ALDH1L1: variants seen among roughly 807,000 people sequenced by gnomAD.
ALDH1L1 encodes aldehyde dehydrogenase 1 family member L1.
Under a neutral mutation model 101.1 loss-of-function variants are expected in ALDH1L1, and 68 were observed. That is an observed-to-expected ratio of 0.67 (90% confidence interval 0.55 to 0.82). ALDH1L1 has a LOEUF of 0.82. Among genes scored for constraint, ALDH1L1 ranks in the 40% least tolerant of loss-of-function variants. The pLI is 0.00. For missense variants in ALDH1L1, 1,087 were observed against 1,172.7 expected, an observed-to-expected ratio of 0.93 and a Z score of 1.07; for synonymous variants, 486 against 470.8, an observed-to-expected ratio of 1.03 and a Z score of -0.42.
upstream of ALDH1L1, among the ~76,000 whole-genome samples, chr3:126,185,463 A>G (rs1394888098): frequency 3.9e-5 from 6 of 152,250 alleles, no homozygotes; most frequent in Admixed American, 3.9e-4. Flanking sequence ...GACATGAAGA[A>G]AGCGGGTCTG....
chr3:126,137,074 C>T (rs980400670), intron 10 of ALDH1L1, among the ~76,000 whole-genome samples, 191 bp from the exon 11 acceptor site: 2 of 152,166 alleles, frequency 1.3e-5, no homozygotes, highest in Non-Finnish European at 2.9e-5. Context: ...GGGAGCTCTG[C>T]GCTTCCACCT....
chr3:126,107,017 G>A (rs944007485), intron 21 of ALDH1L1, 124 bp downstream of exon 21: 19 of 859,218 alleles, frequency 2.2e-5, no homozygotes, highest in East Asian at 7.5e-5. Flanking sequence ...GGGTGTCCAC[G>A]GCTTGCGCCC....
At chr3:126,119,834 T>A (rs950632002) in intron 16 of ALDH1L1, among the ~76,000 whole-genome samples, 3 of 152,024 alleles carry the variant, frequency 2.0e-5, no homozygotes, top group South Asian at 2.1e-4. Flanking sequence ...AATAGACACA[T>A]CACCAAAGAA....
At chr3:126,156,964 A>G (rs1299891196) in intron 4 of ALDH1L1, among the ~76,000 whole-genome samples, 6 of 152,234 alleles carry the variant, frequency 3.9e-5, no homozygotes, top group Non-Finnish European at 4.4e-5. Context: ...AATCACACAG[A>G]GAAAAGGAGA....
At chr3:126,176,219 G>A (rs2108335202) in intron 1 of ALDH1L1, among the ~76,000 whole-genome samples, 1 of 152,258 alleles carries the variant, frequency 6.6e-6, no homozygotes, top group South Asian at 2.1e-4. Flanking sequence ...ACATGTTCAT[G>A]GGTAGGGAAA....
intron 18 of ALDH1L1, among the ~76,000 whole-genome samples, chr3:126,113,594 C>T (rs141865617): frequency 1.3e-5 from 2 of 152,210 alleles, no homozygotes; most frequent in African/African-American, 2.4e-5. Context: ...GCTAGATCCC[C>T]GTGCTGATGG....
At chr3:126,180,813 A>G, upstream of ALDH1L1, 1 of 1,530,456 alleles carries the variant, frequency 6.5e-7, no homozygotes, top group Non-Finnish European at 8.8e-7. Context: ...GGACCCTTGG[A>G]GAATTCCCAG....
intron 4 of ALDH1L1, 70 bp from the exon 5 acceptor site, chr3:126,155,573 AT>A: frequency 7.1e-7 from 1 of 1,410,278 alleles, no homozygotes; most frequent in Non-Finnish European, 9.7e-7. Flanking sequence ...CAGGGCCCAC[AT>A]TGAGCCTGGA....
At chr3:126,139,740 G>C (rs998956587) in intron 9 of ALDH1L1, among the ~76,000 whole-genome samples, 1 of 152,128 alleles carries the variant, frequency 6.6e-6, no homozygotes, top group African/African-American at 2.4e-5. Context: ...AAGTCAAATA[G>C]AAATTCTTGA....
chr3:126,171,291 T>C (rs2081271692), intron 1 of ALDH1L1, among the ~76,000 whole-genome samples: 1 of 152,142 alleles, frequency 6.6e-6, no homozygotes, highest in South Asian at 2.1e-4. Context: ...AGCGAGACTC[T>C]GTCTCAATAA....
chr3:126,149,392 G>T (rs1221715650), intron 8 of ALDH1L1, among the ~76,000 whole-genome samples: 1 of 152,162 alleles, frequency 6.6e-6, no homozygotes, highest in African/African-American at 2.4e-5. Flanking sequence ...TTTGACTCAG[G>T]TCTACATCTA....
intron 1 of ALDH1L1, among the ~76,000 whole-genome samples, chr3:126,163,559 G>C (rs2081105628): frequency 6.6e-6 from 1 of 152,134 alleles, no homozygotes; most frequent in Admixed American, 6.5e-5. Context: ...GGTTAGCTTT[G>C]GGGAATTTTG....
At chr3:126,115,599 G>A (rs1388673248) in intron 17 of ALDH1L1, 2 of 151,250 alleles carry the variant, frequency 1.3e-5, no homozygotes, top group Non-Finnish European at 2.9e-5. Flanking sequence ...TTTTTAGATG[G>A]AGTCTCACTC....
chr3:126,118,116 G>T lies in ALDH1L1; in HGVS notation c.1889-18C>A, dbSNP rs767896181. ...CAGGGAGCCTGTGGGCGGGAGGGAGGGGGGAATCAGAGTGGTCCCCCTGGT... is the reference window on the plus strand; with the variant it reads ...CAGGGAGCCTGTGGGCGGGAGGGAGTGGGGAATCAGAGTGGTCCCCCTGGT... On this transcript the variant is annotated intron_variant, in intron 16 of 22. Transcript: ENST00000393434. 2.5e-6 allele frequency: 4 copies of T among 1,599,184 alleles called. No homozygotes were observed. Among genetic ancestry groups the T allele is most frequent in the Admixed American group, 3.4e-5 (2 of 59,638 alleles).
At chr3:126,113,111 C>G (rs796120386) in intron 18 of ALDH1L1, among the ~76,000 whole-genome samples, 23 of 152,318 alleles carry the variant, frequency 1.5e-4, no homozygotes, top group African/African-American at 5.5e-4. Context: ...ACACCACGCC[C>G]CAACTCCCAC....
At chr3:126,188,578 CTAAG>C (rs2081534652) in intron 1 of ALDH1L1, among the ~76,000 whole-genome samples, 2 of 152,214 alleles carry the variant, frequency 1.3e-5, no homozygotes, top group Admixed American at 1.3e-4. Context: ...AGGATCTCAC[CTAAG>C]TAAGAATGTG....
intron 9 of ALDH1L1, among the ~76,000 whole-genome samples, chr3:126,139,618 C>T (rs1323423184): frequency 6.6e-6 from 1 of 152,050 alleles, no homozygotes; most frequent in Non-Finnish European, 1.5e-5. Flanking sequence ...ATGTCAAATG[C>T]CTTAAATATG....
intron 16 of ALDH1L1, among the ~76,000 whole-genome samples, chr3:126,119,826 T>C (rs1002900501): frequency 6.6e-6 from 1 of 151,904 alleles, no homozygotes; most frequent in Non-Finnish European, 1.5e-5. Context: ...AAGACAGAAA[T>C]AGACACATCA....
At chr3:126,149,717 C>G (rs1576460236) in intron 8 of ALDH1L1, among the ~76,000 whole-genome samples, 1 of 152,176 alleles carries the variant, frequency 6.6e-6, no homozygotes, top group South Asian at 2.1e-4. Flanking sequence ...CCCCTCACCC[C>G]CTGGGCTCCA....
Sources: allele counts gnomAD v4.1 joint callset (sites outside exome capture counted in the v4.1 genomes callset), GRCh38; gene constraint gnomAD v4.1.1; transcripts MANE v1.5; gene names NCBI Gene and HGNC (gene_info 2026-07-23, HGNC 2026-07-21).